The following DPP6 variants were observed in gnomAD, a reference collection of about 807,000 sequenced individuals.
The protein encoded by DPP6 is dipeptidyl peptidase like 6, also known as A-type potassium channel modulatory protein DPP6.
A neutral mutation model predicts 122.6 loss-of-function variants in DPP6; 69 were observed. The ratio of observed to expected loss-of-function variants is 0.56; its 90% CI spans 0.46 to 0.69. The LOEUF (loss-of-function observed/expected upper bound fraction) is 0.69. Among genes scored for constraint, DPP6 ranks in the 30% least tolerant of loss-of-function variants. The probability of loss-of-function intolerance (pLI) is 0.00; values close to 1 mark genes in which losing one functional copy is unlikely to be tolerated. For synonymous variants in DPP6, 418 were observed against 433.1 expected (o/e 0.97, Z 0.43); for missense variants, 928 against 1,116.9 (o/e 0.83, Z 2.41).
At chr7:153,810,925 T>A in the DPP6 span, among the ~76,000 whole-genome samples, 1 of 152,198 alleles carries the variant, frequency 6.6e-6, no homozygotes, top group Admixed American at 6.5e-5. Flanking sequence ...GATTACTTTC[T>A]TTTGATGAAC....
intron 1 of DPP6, among the ~76,000 whole-genome samples, chr7:154,225,007 T>G (rs1045688753): frequency 3.3e-5 from 5 of 152,000 alleles, no homozygotes; most frequent in Non-Finnish European, 7.4e-5. Context: ...CCAGGCATGG[T>G]GGCACATACC....
At chr7:154,599,601 A>C (rs191031529) in intron 5 of DPP6, among the ~76,000 whole-genome samples, 33 of 151,826 alleles carry the variant, frequency 2.2e-4, no homozygotes, top group African/African-American at 7.0e-4. Context: ...ATATGTATAC[A>C]TGTTGGTGTG....
chr7:154,151,357 C>G (rs1796409861), intron 1 of DPP6, among the ~76,000 whole-genome samples: 1 of 152,188 alleles, frequency 6.6e-6, no homozygotes, highest in South Asian at 2.1e-4. Flanking sequence ...CACCCTGTCC[C>G]CAGAGCCTCC....
In DPP6 at chr7:154,400,265, G is replaced by A. The variant is rs534420326; in HGVS notation, c.244-45949G>A. ...AGAGAGGTAGGTTTGCTGGCTGGAA[G>A]CATAAACACAGCCCTAAGTGCCACA... is the stretch of plus-strand genomic sequence containing the variant. On this transcript the variant is annotated intron_variant, in intron 1 of 25. Coordinates refer to ENST00000377770, the MANE Select transcript of DPP6 (RefSeq NM_130797.4). Among the ~76,000 whole-genome samples the A allele has an allele frequency of 2.0e-4, 31 of 152,340 alleles. No individual in the cohort carries two copies. In the East Asian group the frequency reaches 5.4e-3, roughly 27 times the overall value.
chr7:154,035,692 A>T (rs1799482460), intron 1 of DPP6, among the ~76,000 whole-genome samples: 1 of 152,124 alleles, frequency 6.6e-6, no homozygotes, highest in South Asian at 2.1e-4. Flanking sequence ...ATGTAAAAGC[A>T]TCAGGAAGCT....
At chr7:154,120,925 A>T (rs1807404476) in intron 1 of DPP6, among the ~76,000 whole-genome samples, 1 of 152,174 alleles carries the variant, frequency 6.6e-6, no homozygotes, top group Admixed American at 6.5e-5. Context: ...TTTGAATTGT[A>T]ATAATCCCCA....
At chr7:154,574,777 ATATG>A (rs1206196863) in intron 5 of DPP6, among the ~76,000 whole-genome samples, 6 of 79,380 alleles carry the variant, frequency 7.6e-5, no homozygotes, top group African/African-American at 2.8e-4. Flanking sequence ...TGTGTGGTGC[ATATG>A]TGTGTGTGTG....
At chr7:154,111,946 T>A (rs989780403) in intron 1 of DPP6, among the ~76,000 whole-genome samples, 6 of 152,226 alleles carry the variant, frequency 3.9e-5, no homozygotes, top group Non-Finnish European at 7.3e-5. Context: ...TCCTAATTTT[T>A]AAATTTTGAT....
At chr7:154,517,041 C>T (rs559087353) in intron 3 of DPP6, among the ~76,000 whole-genome samples, 2 of 152,274 alleles carry the variant, frequency 1.3e-5, no homozygotes, top group Admixed American at 6.5e-5. Context: ...TGTAGCATGA[C>T]ACAGTCCCTC....
chr7:154,212,436 A>G (rs73485482), intron 1 of DPP6, among the ~76,000 whole-genome samples: 7,387 of 152,288 alleles, frequency 0.049, 308 homozygotes, highest in African/African-American at 0.11. Flanking sequence ...TGCCTTAAAT[A>G]ATTAACATTG....
chr7:154,519,239 T>C (rs1299076626), intron 3 of DPP6, among the ~76,000 whole-genome samples: 1 of 152,230 alleles, frequency 6.6e-6, no homozygotes, highest in African/African-American at 2.4e-5. Context: ...ATACTAATGA[T>C]GCCACTTGGT....
At chr7:154,728,052 GCTGAT>G (rs1842154865) in intron 8 of DPP6, among the ~76,000 whole-genome samples, 165 bp downstream of exon 8, 1 of 152,236 alleles carries the variant, frequency 6.6e-6, no homozygotes, top group South Asian at 2.1e-4. Flanking sequence ...TTGGGATCAG[GCTGAT>G]CAGCATCAGA....
At chr7:154,553,820 C>T (rs1035990807) in intron 4 of DPP6, among the ~76,000 whole-genome samples, 2 of 150,596 alleles carry the variant, frequency 1.3e-5, no homozygotes. Context: ...TTACATATCA[C>T]GTGGTTACTC....
At chr7:154,839,905 C>T (rs1374072015) in intron 16 of DPP6, among the ~76,000 whole-genome samples, 1 of 152,110 alleles carries the variant, frequency 6.6e-6, no homozygotes, top group Non-Finnish European at 1.5e-5. Context: ...AGGAGTGCCA[C>T]ATCACAACTC....
At chr7:154,015,674 C>G (rs185185181) in intron 1 of DPP6, among the ~76,000 whole-genome samples, 9 of 152,256 alleles carry the variant, frequency 5.9e-5, no homozygotes, top group African/African-American at 1.4e-4. Context: ...ATTCAGCAAG[C>G]CTCATCGATC....
chr7:154,796,126 G>T (rs528571564), intron 12 of DPP6: 4 of 538,968 alleles, frequency 7.4e-6, no homozygotes, highest in Admixed American at 7.2e-5. Context: ...TCTTCAGAGC[G>T]TGGAATGTTT....
chr7:154,518,988 C>T (rs1826757761), intron 3 of DPP6, among the ~76,000 whole-genome samples: 1 of 152,088 alleles, frequency 6.6e-6, no homozygotes, highest in East Asian at 1.9e-4. Context: ...CACCAGGAAA[C>T]AAATGCGAGG....
chr7:153,917,895 T>G (rs544396586), intron 1 of DPP6, among the ~76,000 whole-genome samples: 1 of 152,364 alleles, frequency 6.6e-6, no homozygotes, highest in African/African-American at 2.4e-5. Flanking sequence ...TCTAAAAAGA[T>G]TTGATCTCCT....
intron 1 of DPP6, among the ~76,000 whole-genome samples, chr7:154,398,553 C>A (rs893008928): frequency 6.6e-6 from 1 of 152,080 alleles, no homozygotes; most frequent in Non-Finnish European, 1.5e-5. Flanking sequence ...ATTTCTTTTT[C>A]CTTTCTATTT....
Sources: gnomAD v4.1 joint callset for allele counts (sites outside exome capture counted in the v4.1 genomes callset) on GRCh38, gnomAD v4.1.1 for gene constraint, MANE v1.5 for transcripts, NCBI Gene and HGNC (gene_info 2026-07-23, HGNC 2026-07-21) for gene names.